CYRIA: variants seen among roughly 807,000 people sequenced by gnomAD.
The protein encoded by CYRIA is CYFIP-related Rac1 interactor A.
Under a neutral mutation model 43.9 loss-of-function variants are expected in CYRIA, and 15 were observed. The ratio of observed to expected loss-of-function variants is 0.34; its 90% confidence interval spans 0.23 to 0.53. The LOEUF is 0.53. Among genes scored for constraint, CYRIA ranks in the 20% least tolerant of loss-of-function variants. The pLI, the probability that CYRIA is intolerant of heterozygous loss-of-function variation, is 0.94. For synonymous variants in CYRIA, 117 were observed against 136.0 expected (o/e 0.86, Z 0.97); for missense variants, 236 against 394.2 (o/e 0.60, Z 3.40).
At chr2:16,573,658 A>G (rs1195166442) in intron 3 of CYRIA, among the ~76,000 whole-genome samples, 1 of 152,148 alleles carries the variant, frequency 6.6e-6, no homozygotes, top group Non-Finnish European at 1.5e-5. Context: ...TATTCTTGTG[A>G]TAATGAATAA....
At chr2:16,565,833 T>C in intron 3 of CYRIA, 66 bp from the exon 4 acceptor site, 2 of 1,415,690 alleles carry the variant, frequency 1.4e-6, no homozygotes, top group South Asian at 3.1e-5. Flanking sequence ...GGAGGATGGA[T>C]ATTCAGTTTT....
intron 3 of CYRIA, among the ~76,000 whole-genome samples, chr2:16,582,029 T>C (rs62122726): frequency 0.083 from 12,601 of 152,228 alleles, 589 homozygotes; most frequent in Middle Eastern, 0.13. Context: ...TCAGACCTGA[T>C]CAGTAGCTGT....
rs897816305 is a variant in CYRIA, at chr2:16,550,646, C to T, written c.*2290G>A. ...AGTTATAAATGTGCTCATCTATTTA[C>T]TCTGAGCTCAATCTAATTTGACAGG... On this transcript the variant is annotated 3_prime_UTR_variant, in exon 12 of 12. Transcript: ENST00000381323. 6.6e-6 allele frequency: 1 copy of T among 152,152 alleles called. No homozygotes were observed. The highest frequency in any genetic ancestry group is 1.5e-5 in the Non-Finnish European group (1 of 68,014). 9.4% of individuals were successfully genotyped at this position (152,152 alleles called of 1,614,324 possible). A position where few individuals can be genotyped will look rare whatever the true frequency, so the allele number is the denominator to read the frequency against.
intron 2 of CYRIA, among the ~76,000 whole-genome samples, chr2:16,616,961 T>A (rs992861375): frequency 2.6e-5 from 4 of 152,206 alleles, no homozygotes; most frequent in African/African-American, 9.6e-5. Flanking sequence ...AAGGATTATA[T>A]CAAGACCACA....
At chr2:16,579,683 C>T (rs1344584432) in intron 3 of CYRIA, among the ~76,000 whole-genome samples, 1 of 151,704 alleles carries the variant, frequency 6.6e-6, no homozygotes. Context: ...AAAAGTGACA[C>T]AACTAAAAAG....
At chr2:16,573,701 A>G (rs1391307489) in intron 3 of CYRIA, among the ~76,000 whole-genome samples, 1 of 152,156 alleles carries the variant, frequency 6.6e-6, no homozygotes, top group African/African-American at 2.4e-5. Context: ...TATAAAGAGG[A>G]GTTCCCCTGC....
In CYRIA at chr2:16,601,656, A is replaced by C. The variant is rs987993502; in HGVS notation, c.-10-13527T>G. Among the ~76,000 whole-genome samples the C allele has an allele frequency of 2.4e-4, 37 of 151,604 alleles. 1 individual carries two copies. Among genetic ancestry groups the C allele is most frequent in the Admixed American group, 2.2e-3 (34 of 15,230 alleles). ...ATGAGAGTTGGCTTTAAGGCTATTCAGTGGAAAACCATGACTCTCTTTAAG... is the reference window on the plus strand; with the variant it reads ...ATGAGAGTTGGCTTTAAGGCTATTCCGTGGAAAACCATGACTCTCTTTAAG... On this transcript the variant is annotated intron_variant, in intron 2 of 11. Coordinates refer to ENST00000381323, the MANE Select transcript of CYRIA (RefSeq NM_030797.4).
chr2:16,619,333 A>G (rs1436599705), intron 2 of CYRIA, among the ~76,000 whole-genome samples: 3 of 152,206 alleles, frequency 2.0e-5, no homozygotes, highest in African/African-American at 7.2e-5. Context: ...GTACATGCAT[A>G]TGTACATACA....
In CYRIA at chr2:16,550,585, T is replaced by G. The variant is rs1274473057; in HGVS notation, c.*2351A>C. On this transcript the variant is annotated 3_prime_UTR_variant, in exon 12 of 12. Coordinates refer to ENST00000381323, the MANE Select transcript of CYRIA (RefSeq NM_030797.4). Reference sequence around the variant, plus strand: ...TGAGGCAGGACAGCAGCCCCTTCCATATGTTTGGTCCCATTTGATAGAAAG... The same window carrying G: ...TGAGGCAGGACAGCAGCCCCTTCCAGATGTTTGGTCCCATTTGATAGAAAG... 1.3e-5 allele frequency: 2 copies of G among 152,148 alleles called. No homozygotes were observed. The highest frequency in any genetic ancestry group is 2.4e-5 in the African/African-American group (1 of 41,452). The allele number at this position is 152,148 out of a possible 1,614,324, so 9.4% of individuals were successfully genotyped here.
At chr2:16,645,289 A>G (rs1669787177) in intron 1 of CYRIA, among the ~76,000 whole-genome samples, 1 of 152,060 alleles carries the variant, frequency 6.6e-6, no homozygotes, top group Admixed American at 6.5e-5. Flanking sequence ...GCAGGCAACG[A>G]TCCTGGGCTA....
intron 1 of CYRIA, among the ~76,000 whole-genome samples, chr2:16,653,506 T>G (rs1670025915): frequency 6.6e-6 from 1 of 152,234 alleles, no homozygotes; most frequent in South Asian, 2.1e-4. Flanking sequence ...TGCTTCATTT[T>G]CCTTCATGGA....
At chr2:16,630,481 A>G (rs1669294892) in intron 1 of CYRIA, among the ~76,000 whole-genome samples, 2 of 151,732 alleles carry the variant, frequency 1.3e-5, no homozygotes. Context: ...GTAGTTTAAC[A>G]TCTCTCTGTG....
chr2:16,563,835 A>C (rs917225170), intron 5 of CYRIA, among the ~76,000 whole-genome samples, 154 bp downstream of exon 5: 12 of 152,142 alleles, frequency 7.9e-5, no homozygotes, highest in Non-Finnish European at 1.8e-4. Context: ...AAGAAATGAA[A>C]ATGACAAGAG....
intron 1 of CYRIA, among the ~76,000 whole-genome samples, chr2:16,630,604 G>C (rs1485847331): frequency 6.6e-6 from 1 of 152,166 alleles, no homozygotes; most frequent in African/African-American, 2.4e-5. Flanking sequence ...TTTTCGATGA[G>C]TTCACATTGC....
At position 16,561,468 on chromosome 2, in the gene CYRIA, G is replaced by A; in HGVS notation, c.501C>T (p.Ile167=). 6.2e-7 allele frequency: 1 copy of A among 1,613,786 alleles called. No homozygotes were observed. Among genetic ancestry groups the A allele is most frequent in the South Asian group, 1.1e-5 (1 of 91,082 alleles). Residue 167 remains isoleucine, a synonymous_variant, in exon 7 of 12, where the codon ATC becomes ATT. Coordinates refer to ENST00000381323, the MANE Select transcript of CYRIA (RefSeq NM_030797.4). The stretch of plus-strand genomic sequence containing the variant: ...CCCAGGGACTCACGTGCATGTTGTT[G>A]ATGCGGTTGCGACTGATTGTTCTTC... ...YYRRTISRNR[I]NNMHLDIENE...
intron 10 of CYRIA, among the ~76,000 whole-genome samples, chr2:16,555,971 G>A (rs1361468086): frequency 1.3e-5 from 2 of 152,088 alleles, no homozygotes; most frequent in Admixed American, 1.3e-4. Context: ...GTATAATATA[G>A]TTGACCCGTA....
At chr2:16,652,715 C>A (rs997395420) in intron 1 of CYRIA, among the ~76,000 whole-genome samples, 1 of 152,162 alleles carries the variant, frequency 6.6e-6, no homozygotes, top group Non-Finnish European at 1.5e-5. Flanking sequence ...CCTGTTCCAG[C>A]CTTCGGTCAG....
At position 16,559,565 on chromosome 2, in the gene CYRIA, C is replaced by T. The variant is rs375699408; in HGVS notation, c.732G>A (p.Thr244=). Reference sequence around the variant, plus strand: ...TGCAGAACATCAGGGTCTCTTCACTCGTAAACCTACTTCTGTACTCCCTGC... The same window carrying T: ...TGCAGAACATCAGGGTCTCTTCACTTGTAAACCTACTTCTGTACTCCCTGC... ...LETPEYRSRF[T]SEETLMFCMR... is the part of the protein sequence containing the mutation. The change falls in exon 10 of 12, where the codon ACG becomes ACA. Residue 244 remains threonine, a synonymous_variant. Coordinates refer to ENST00000381323, the MANE Select transcript of CYRIA (RefSeq NM_030797.4). 8.1e-6 allele frequency: 13 copies of T among 1,612,700 alleles called. No homozygotes were observed. The highest frequency in any genetic ancestry group is 4.0e-5 in the African/African-American group (3 of 74,834).
rs115174514 is a variant in CYRIA, at chr2:16,577,416, C to T, written c.70+10634G>A. ...GAAGTAAAATTCACAAAGAATATTG[C>T]GCTCACCCTAACAAGAAAACAAGTT... On this transcript the variant is annotated intron_variant, in intron 3 of 11. Coordinates refer to ENST00000381323, the MANE Select transcript of CYRIA (RefSeq NM_030797.4). Among the ~76,000 whole-genome samples the T allele has an allele frequency of 2.7e-3, 408 of 152,034 alleles. 2 individuals carry two copies. Among genetic ancestry groups the T allele is most frequent in the African/African-American group, 9.3e-3 (384 of 41,474 alleles).
Sources: allele counts gnomAD v4.1 joint callset (sites outside exome capture counted in the v4.1 genomes callset), GRCh38; gene constraint gnomAD v4.1.1; transcripts MANE v1.5; gene names NCBI Gene and HGNC (gene_info 2026-07-23, HGNC 2026-07-21).